STRADA: variants seen among roughly 807,000 people sequenced by gnomAD.
STRADA encodes the protein STE20-related kinase adapter protein alpha.
A neutral mutation model predicts 55.0 loss-of-function variants in STRADA; 26 were observed. That is an observed-to-expected ratio of 0.47 (90% CI 0.35 to 0.66). STRADA has a LOEUF of 0.66. Ranked by LOEUF, STRADA falls within the 30% of genes least tolerant of loss-of-function variation. The pLI, the probability that STRADA is intolerant of heterozygous loss-of-function variation, is 0.01. For missense variants in STRADA, 443 were observed against 549.7 expected (o/e 0.81, Z 1.94); for synonymous variants, 197 against 210.9 (o/e 0.93, Z 0.57).
At chr17:63,731,598 C>A (rs781721388) in intron 1 of STRADA, among the ~76,000 whole-genome samples, 1 of 152,006 alleles carries the variant, frequency 6.6e-6, no homozygotes, top group Non-Finnish European at 1.5e-5. Context: ...CCTTTTCCAA[C>A]CCCAGCTGAG....
At chr17:63,723,221 C>A in intron 4 of STRADA, 77 bp downstream of exon 4, 1 of 1,496,706 alleles carries the variant, frequency 6.7e-7, no homozygotes, top group Non-Finnish European at 9.3e-7. Context: ...AATGATAAGC[C>A]AACAAAACAC....
chr17:63,721,556 A>G (rs573508302), intron 4 of STRADA, among the ~76,000 whole-genome samples: 1 of 147,700 alleles, frequency 6.8e-6, no homozygotes, highest in African/African-American at 2.5e-5. Flanking sequence ...TCTACTAAAA[A>G]TATAAAAATT....
intron 1 of STRADA, among the ~76,000 whole-genome samples, chr17:63,738,019 G>A (rs1007860340): frequency 3.3e-5 from 5 of 150,774 alleles, no homozygotes; most frequent in Admixed American, 6.7e-5. Flanking sequence ...AAAGAAAAAC[G>A]AAAATAAACG....
At position 63,703,096 on chromosome 17, in the gene STRADA, C is replaced by G. The variant is rs538621352; in HGVS notation, c.*503G>C. ...CAGCCTTAGTCTGTGCTTAAAAAGA[C>G]AGAAATGCCCTTCTCTGGAATTATG... On this transcript the variant is annotated 3_prime_UTR_variant, in exon 13 of 13. Coordinates refer to ENST00000336174, the MANE Select transcript of STRADA (RefSeq NM_001003787.4). 2.0e-4 allele frequency: 31 copies of G among 158,690 alleles called. No individual in the cohort carries two copies. The highest frequency in any genetic ancestry group is 3.3e-3 in the Middle Eastern group (1 of 302). 9.8% of individuals were successfully genotyped at this position (158,690 alleles called of 1,614,324 possible).
intron 1 of STRADA, among the ~76,000 whole-genome samples, chr17:63,730,257 T>A (rs2144196809): frequency 6.6e-6 from 1 of 152,332 alleles, no homozygotes; most frequent in East Asian, 1.9e-4. Flanking sequence ...ACATCTCTGC[T>A]ATTTGCCTTA....
At chr17:63,723,609 T>A in intron 3 of STRADA, 1 of 380,802 alleles carries the variant, frequency 2.6e-6, no homozygotes, top group Non-Finnish European at 4.8e-6. Flanking sequence ...ACTCTTACAT[T>A]TCTGGTCATA....
At chr17:63,731,256 CTTTTT>C (rs60777564) in intron 1 of STRADA, among the ~76,000 whole-genome samples, 3 of 78,048 alleles carry the variant, frequency 3.8e-5, no homozygotes, top group Non-Finnish European at 6.4e-5. Flanking sequence ...ATATTCTTTC[CTTTTT>C]TTTTTTTTTT....
At chr17:63,727,833 T>G (rs1314747964) in intron 2 of STRADA, 1 of 152,296 alleles carries the variant, frequency 6.6e-6, no homozygotes, top group Non-Finnish European at 1.5e-5. Context: ...CATGAAATAA[T>G]GGGAATTTGT....
At chr17:63,719,540 A>G (rs1428047278) in intron 4 of STRADA, among the ~76,000 whole-genome samples, 4 of 151,476 alleles carry the variant, frequency 2.6e-5, no homozygotes, top group African/African-American at 9.7e-5. Flanking sequence ...CTGGAGTGCA[A>G]TGGCGCGATC....
intron 5 of STRADA, 120 bp from the exon 6 acceptor site, chr17:63,713,647 G>T: frequency 1.0e-5 from 13 of 1,282,442 alleles, no homozygotes; most frequent in Middle Eastern, 2.1e-4. Flanking sequence ...TTTCACTACT[G>T]TTACTTTTTT....
At chr17:63,730,960 T>C (rs1465007591) in intron 1 of STRADA, among the ~76,000 whole-genome samples, 4 of 151,634 alleles carry the variant, frequency 2.6e-5, no homozygotes, top group African/African-American at 9.7e-5. Context: ...ATATTCTTTT[T>C]TTTTGAGATG....
At chr17:63,735,070 G>A (rs545135758) in intron 1 of STRADA, among the ~76,000 whole-genome samples, 1 of 152,282 alleles carries the variant, frequency 6.6e-6, no homozygotes, top group Non-Finnish European at 1.5e-5. Context: ...CAGGAGAATC[G>A]TTTGAACCCA....
intron 1 of STRADA, among the ~76,000 whole-genome samples, chr17:63,731,229 C>T (rs576922868): frequency 7.4e-5 from 11 of 149,580 alleles, no homozygotes; most frequent in African/African-American, 2.7e-4. Flanking sequence ...AGGCGTGACT[C>T]ACTGCACCTG....
At chr17:63,723,387 A>G in intron 3 of STRADA, 61 bp from the exon 4 acceptor site, 1 of 1,593,792 alleles carries the variant, frequency 6.3e-7, no homozygotes. Context: ...ACCCACATTC[A>G]GAACAGCAAT....
intron 1 of STRADA, among the ~76,000 whole-genome samples, chr17:63,734,836 A>G (rs1376188248): frequency 1.3e-5 from 2 of 152,120 alleles, no homozygotes; most frequent in African/African-American, 4.8e-5. Flanking sequence ...GAAAAATAGA[A>G]GCTATTAGGA....
chr17:63,737,369 C>G (rs2038528300), intron 1 of STRADA: 1 of 147,948 alleles, frequency 6.8e-6, no homozygotes, highest in Non-Finnish European at 1.5e-5. Context: ...CAGAATAACA[C>G]TTGGCTGTTT....
Position 63,720,773 on chromosome 17 carries a change from A to T in STRADA, c.123+2525T>A, listed in dbSNP as rs1390484418. Among the ~76,000 whole-genome samples, 35 of 137,890 alleles carry T rather than the reference A, an allele frequency of 2.5e-4. 1 individual carries two copies. The highest frequency in any genetic ancestry group is 8.5e-4 in the African/African-American group (32 of 37,766). 90.5% of individuals were successfully genotyped at this position (137,890 alleles called of 152,430 possible). A position where few individuals can be genotyped will look rare whatever the true frequency, so the allele number is the denominator to read the frequency against. ...CTGGGCGACAGAGCGAGACTGTTTA[A>T]AAAAAAAAAAAAAAAAAGTAAAAAA... On this transcript the variant is annotated intron_variant, in intron 4 of 12. Coordinates refer to ENST00000336174, the MANE Select transcript of STRADA (RefSeq NM_001003787.4).
chr17:63,730,543 A>AT (rs1196260332), intron 1 of STRADA, among the ~76,000 whole-genome samples: 4 of 151,450 alleles, frequency 2.6e-5, no homozygotes, highest in Non-Finnish European at 5.9e-5. Context: ...CTACAGGTAC[A>AT]TGCCATCATG....
intron 1 of STRADA, among the ~76,000 whole-genome samples, chr17:63,730,677 C>T (rs2037975864): frequency 6.6e-6 from 1 of 152,070 alleles, no homozygotes. Flanking sequence ...TGGCTTCAGC[C>T]TCCCGAGTTA....
Sources: gnomAD v4.1 joint callset for allele counts (sites outside exome capture counted in the v4.1 genomes callset) on GRCh38, gnomAD v4.1.1 for gene constraint, MANE v1.5 for transcripts, NCBI Gene and HGNC (gene_info 2026-07-23, HGNC 2026-07-21) for gene names.